The following MKX variants were observed in gnomAD, a reference collection of about 807,000 sequenced individuals.
MKX encodes the protein mohawk homeobox.
Under a neutral mutation model 36.0 loss-of-function variants are expected in MKX, and 13 were observed. That is an observed-to-expected ratio of 0.36 (90% CI 0.24 to 0.57). The LOEUF (loss-of-function observed/expected upper bound fraction) is 0.57. MKX is among the 20% of genes least tolerant of loss of function. The probability of loss-of-function intolerance (pLI) is 0.79; values close to 1 mark genes in which losing one functional copy is unlikely to be tolerated. For missense variants in MKX, 458 were observed against 456.4 expected, an observed-to-expected ratio of 1.00 and a Z score of -0.03; for synonymous variants, 176 against 178.3, an observed-to-expected ratio of 0.99 and a Z score of 0.10.
chr10:27,703,792 C>T (rs905406370), intron 5 of MKX, among the ~76,000 whole-genome samples: 3 of 151,950 alleles, frequency 2.0e-5, no homozygotes, highest in Admixed American at 6.6e-5. Flanking sequence ...CCCAACTACT[C>T]AGGAGGCTGA....
intron 5 of MKX, among the ~76,000 whole-genome samples, chr10:27,734,142 A>G (rs1834696248): frequency 6.6e-6 from 1 of 150,832 alleles, no homozygotes; most frequent in African/African-American, 2.5e-5. Context: ...TAAAGAATGA[A>G]AATTCTTCCA....
At chr10:27,694,527 A>AAAATATAT (rs547670335) in intron 5 of MKX, among the ~76,000 whole-genome samples, 24,183 of 113,676 alleles carry the variant, frequency 0.21, 3,444 homozygotes, top group East Asian at 0.28. Context: ...AAAAAAAAAA[A>AAAATATAT]ATATATATAT....
intron 5 of MKX, among the ~76,000 whole-genome samples, chr10:27,733,736 C>A (rs968103464): frequency 6.6e-6 from 1 of 152,232 alleles, no homozygotes; most frequent in Non-Finnish European, 1.5e-5. Flanking sequence ...TAAGAGCAAA[C>A]CTCTCTGGGA....
chr10:27,741,642 G>A lies in MKX; in HGVS notation c.189-138C>T. ...CGCCCCTGCTTTGCGCGCGCCCAGA[G>A]TGTTTGGGAGAGGCAGGAAGTGGGA... On this transcript the variant is annotated intron_variant, in intron 2 of 6. Coordinates refer to ENST00000419761, the MANE Select transcript of MKX (RefSeq NM_173576.3). The surrounding 1 kb of genome is among the most constrained non-coding windows in gnomAD (Gnocchi z 5.1). 1 of 985,884 alleles carries A rather than the reference G, an allele frequency of 1.0e-6. No individual in the cohort carries two copies. Among genetic ancestry groups the A allele is most frequent in the South Asian group, 1.9e-5 (1 of 53,910 alleles). The allele number at this position is 985,884 out of a possible 1,614,324, so 61.1% of individuals were successfully genotyped here.
chr10:27,710,883 T>C (rs533567511), intron 5 of MKX, among the ~76,000 whole-genome samples: 2 of 152,280 alleles, frequency 1.3e-5, no homozygotes, highest in South Asian at 2.1e-4. Flanking sequence ...GGTCTCAAAC[T>C]CCTGACCTCA....
At chr10:27,706,915 G>T (rs564301616) in intron 5 of MKX, among the ~76,000 whole-genome samples, 7 of 152,282 alleles carry the variant, frequency 4.6e-5, no homozygotes, top group Non-Finnish European at 1.0e-4. Flanking sequence ...TCTGTCCCGT[G>T]CTGTATGCAC....
chr10:27,683,996 C>T (rs921742343), intron 5 of MKX, among the ~76,000 whole-genome samples: 1 of 152,180 alleles, frequency 6.6e-6, no homozygotes, highest in Non-Finnish European at 1.5e-5. Flanking sequence ...TCTACAGTGA[C>T]TATACAGTTC....
At chr10:27,685,792 G>A (rs547138184) in intron 5 of MKX, among the ~76,000 whole-genome samples, 5 of 152,236 alleles carry the variant, frequency 3.3e-5, no homozygotes, top group African/African-American at 7.2e-5. Flanking sequence ...CCCTGTAACC[G>A]CTCCTCTATA....
rs1164647739 is a variant in MKX at position 27,744,573 on chromosome 10, C to T, written c.-82-1076G>A. 6.6e-6 allele frequency among the ~76,000 whole-genome samples: 1 copy of T among 152,020 alleles called. No homozygotes were observed. Among genetic ancestry groups the T allele is most frequent in the Non-Finnish European group, 1.5e-5 (1 of 67,904 alleles). On this transcript the variant is annotated intron_variant, in intron 1 of 6. Coordinates refer to ENST00000419761, the MANE Select transcript of MKX (RefSeq NM_173576.3). The surrounding 1 kb of genome is among the most constrained non-coding windows in gnomAD (Gnocchi z 5.6). ...CAGCCCCAAGGCGCGCGGCGGACTT[C>T]GCCCGCCCCATCTCCTCGCCTCGCG...
At chr10:27,716,675 C>A (rs772564384) in intron 5 of MKX, among the ~76,000 whole-genome samples, 3 of 152,006 alleles carry the variant, frequency 2.0e-5, no homozygotes, top group South Asian at 2.1e-4. Flanking sequence ...GCATTTAAAG[C>A]GGTACATTTT....
Position 27,675,266 on chromosome 10 carries a change from A to G in MKX, c.1022T>C (p.Val341Ala), listed in dbSNP as rs1352419536. The stretch of plus-strand genomic sequence containing the variant: ...CACCAGCGGCACTTTGACAGTCTTT[A>G]CTTCTGCTATATGGGACGACTTCTG... ...IIQKSSHIAE[V>A]KTVKVPLVQQ... Residue 341 changes from valine (V) to alanine (A), a missense_variant, in exon 7 of 7, where the codon GTA becomes GCA. Coordinates refer to ENST00000419761, the MANE Select transcript of MKX (RefSeq NM_173576.3). The G allele has an allele frequency of 1.2e-6, 2 of 1,614,030 alleles. No individual in the cohort carries two copies. Among genetic ancestry groups the G allele is most frequent in the African/African-American group, 2.7e-5 (2 of 74,920 alleles).
At chr10:27,687,257 C>T (rs551695617) in intron 5 of MKX, among the ~76,000 whole-genome samples, 1 of 152,158 alleles carries the variant, frequency 6.6e-6, no homozygotes, top group African/African-American at 2.4e-5. Flanking sequence ...ACCCGCCTCG[C>T]CCTCCCAAAA....
chr10:27,729,808 C>T (rs1834584220), intron 5 of MKX, among the ~76,000 whole-genome samples: 1 of 152,008 alleles, frequency 6.6e-6, no homozygotes. Context: ...AGGGTAAAGT[C>T]AAAGTCTAAT....
At chr10:27,716,032 A>G (rs1458138040) in intron 5 of MKX, among the ~76,000 whole-genome samples, 2 of 152,216 alleles carry the variant, frequency 1.3e-5, no homozygotes, top group African/African-American at 4.8e-5. Context: ...AGAGTCAAAC[A>G]GATATGAATT....
chr10:27,723,892 G>A (rs1431474849), intron 5 of MKX, among the ~76,000 whole-genome samples: 1 of 152,126 alleles, frequency 6.6e-6, no homozygotes, highest in Admixed American at 6.5e-5. Context: ...ACCTGAGACT[G>A]GCTCAGCTGA....
At chr10:27,683,028 A>G (rs2132495417) in intron 5 of MKX, among the ~76,000 whole-genome samples, 1 of 152,166 alleles carries the variant, frequency 6.6e-6, no homozygotes, top group Non-Finnish European at 1.5e-5. Flanking sequence ...GAAGCGCACA[A>G]CTACATGCGC....
At position 27,675,428 on chromosome 10, in the gene MKX, A is replaced by G. The variant is rs759672015; in HGVS notation, c.873-13T>C. On this transcript the variant is annotated splice_polypyrimidine_tract_variant and intron_variant, in intron 6 of 6. Coordinates refer to ENST00000419761, the MANE Select transcript of MKX (RefSeq NM_173576.3). ...TCTGTTAGCTGCGCTGGAGTTAAGC[A>G]AAACAGAAAGTAAACGATCAAACTC... The G allele has an allele frequency of 1.2e-6, 2 of 1,614,138 alleles. No individual in the cohort carries two copies. Among genetic ancestry groups the G allele is most frequent in the East Asian group, 2.2e-5 (1 of 44,882 alleles).
In MKX at chr10:27,744,896, A is replaced by C. The variant is rs1037816782; in HGVS notation, c.-83+811T>G. The C allele has an allele frequency of 6.6e-6, 1 of 151,998 alleles. No homozygotes were observed. Among genetic ancestry groups the C allele is most frequent in the African/African-American group, 2.4e-5 (1 of 41,342 alleles). 9.4% of individuals were successfully genotyped at this position (151,998 alleles called of 1,614,324 possible). On this transcript the variant is annotated intron_variant, in intron 1 of 6. Transcript: ENST00000419761. This position sits in a 1 kb window ranked among gnomAD's most constrained non-coding sequence, Gnocchi z 5.6. ...TGTGTTCGTAGGGAAGTGAAGTCAG[A>C]CCTCTGCTGGATGTCGTGTGTCCCC...
chr10:27,687,142 G>A lies in MKX; in HGVS notation c.839-11588C>T, dbSNP rs985270650. Among the ~76,000 whole-genome samples the A allele has an allele frequency of 7.8e-4, 118 of 152,202 alleles. 1 individual carries two copies. The highest frequency in any genetic ancestry group is 4.2e-3 in the Admixed American group (64 of 15,296). On this transcript the variant is annotated intron_variant, in intron 5 of 6. Transcript: ENST00000419761. ...CTGCCTCAGCCTCCTGAGTAGCTGG[G>A]ATTACAGGCACGCACCACTACGCCC...
Sources: gnomAD v4.1 joint callset for allele counts (sites outside exome capture counted in the v4.1 genomes callset) on GRCh38, gnomAD v4.1.1 for gene constraint, Gnocchi (gnomAD v3.1) non-coding constraint, MANE v1.5 for transcripts, NCBI Gene and HGNC (gene_info 2026-07-23, HGNC 2026-07-21) for gene names.